LHPP: variants seen among roughly 807,000 people sequenced by gnomAD.
LHPP encodes phospholysine phosphohistidine inorganic pyrophosphate phosphatase.
LHPP carries 24 observed loss-of-function variants against 30.3 expected under a neutral mutation model. That is an observed-to-expected ratio of 0.79 (90% confidence interval 0.57 to 1.11). The LOEUF is 1.11. Among genes scored for constraint, LHPP ranks in the 50% most tolerant of loss-of-function variants. LHPP has a pLI of 0.00. For missense variants in LHPP, 356 were observed against 367.2 expected (o/e 0.97, Z 0.25); for synonymous variants, 150 against 157.1 (o/e 0.95, Z 0.34).
At chr10:124,575,896 G>A (rs1002754050) in intron 6 of LHPP, among the ~76,000 whole-genome samples, 1 of 152,228 alleles carries the variant, frequency 6.6e-6, no homozygotes, top group Admixed American at 6.5e-5. Context: ...TGAGGTGCCT[G>A]GACGGCAGAG....
chr10:124,497,459 G>A (rs1273667314), intron 4 of LHPP, among the ~76,000 whole-genome samples: 1 of 152,058 alleles, frequency 6.6e-6, no homozygotes, highest in Non-Finnish European at 1.5e-5. Context: ...GTCCTCACTG[G>A]CCTCCTTCCT....
intron 1 of LHPP, among the ~76,000 whole-genome samples, chr10:124,471,238 G>A (rs528447450): frequency 6.6e-5 from 10 of 150,676 alleles, no homozygotes; most frequent in Non-Finnish European, 1.3e-4. Context: ...GAATGCCACC[G>A]CCCCACCATT....
intron 6 of LHPP, among the ~76,000 whole-genome samples, chr10:124,575,938 G>T (rs1258097586): frequency 6.6e-6 from 1 of 152,194 alleles, no homozygotes; most frequent in Non-Finnish European, 1.5e-5. Context: ...TGGGTGCCAG[G>T]TCGGGGGTCT....
In LHPP at chr10:124,613,432, C is replaced by G; in HGVS notation, c.*72C>G. On this transcript the variant is annotated 3_prime_UTR_variant, in exon 7 of 7. Transcript: ENST00000368842. ...ACCCCTGCCTCCCCTCCACCCCTGC[C>G]TCTCCTCCACCCGCCCAGGAGAGCC... 2.9e-6 allele frequency: 3 copies of G among 1,020,598 alleles called. No homozygotes were observed. Among genetic ancestry groups the G allele is most frequent in the Non-Finnish European group, 4.5e-6 (3 of 669,018 alleles). 63.2% of individuals were successfully genotyped at this position (1,020,598 alleles called of 1,614,324 possible).
Position 124,467,644 on chromosome 10 carries a change from C to T in LHPP, c.125+5657C>T, listed in dbSNP as rs372909595. ...CAAAAAAATCTTTCTACCCAAGTTT[C>T]CCAGATAGCTGGGACTACAGGTATA... On this transcript the variant is annotated intron_variant, in intron 1 of 6. Coordinates refer to ENST00000368842, the MANE Select transcript of LHPP (RefSeq NM_022126.4). Among the ~76,000 whole-genome samples the T allele has an allele frequency of 1.8e-4, 27 of 150,604 alleles. No homozygotes were observed. The East Asian group carries it at 4.7e-3, about 26-fold the overall frequency.
At chr10:124,556,663 C>T (rs1361226378) in intron 6 of LHPP, among the ~76,000 whole-genome samples, 1 of 152,186 alleles carries the variant, frequency 6.6e-6, no homozygotes, top group African/African-American at 2.4e-5. Flanking sequence ...CTGCAACTCT[C>T]GACACCCTCA....
chr10:124,539,587 T>C (rs1378264114), intron 6 of LHPP, among the ~76,000 whole-genome samples: 3 of 152,018 alleles, frequency 2.0e-5, no homozygotes, highest in Non-Finnish European at 4.4e-5. Flanking sequence ...AATACAAAAA[T>C]TAGCCAGGCG....
At chr10:124,532,332 G>A (rs7900348) in intron 6 of LHPP, among the ~76,000 whole-genome samples, 164 of 152,350 alleles carry the variant, frequency 1.1e-3, no homozygotes, top group African/African-American at 3.2e-3. Flanking sequence ...AGGCCCTGGC[G>A]GTGGACAGAG....
intron 6 of LHPP, among the ~76,000 whole-genome samples, chr10:124,545,205 G>T (rs1207429781): frequency 1.3e-5 from 2 of 152,210 alleles, no homozygotes; most frequent in Admixed American, 6.5e-5. Context: ...CAAAAACCAG[G>T]TTTGGATGCC....
At chr10:124,503,364 C>G (rs879498528) in intron 5 of LHPP, among the ~76,000 whole-genome samples, 4 of 152,016 alleles carry the variant, frequency 2.6e-5, no homozygotes, top group South Asian at 2.1e-4. Context: ...CCACATCCGG[C>G]CTTCATTGGT....
At chr10:124,538,324 T>A (rs964342028) in intron 6 of LHPP, among the ~76,000 whole-genome samples, 2 of 152,328 alleles carry the variant, frequency 1.3e-5, no homozygotes, top group South Asian at 4.1e-4. Context: ...CCAGCCTTGC[T>A]GCTGCCTTTC....
At chr10:124,560,389 A>G (rs935464562) in intron 6 of LHPP, among the ~76,000 whole-genome samples, 9 of 152,186 alleles carry the variant, frequency 5.9e-5, no homozygotes, top group African/African-American at 1.4e-4. Context: ...TTTATGTACA[A>G]TTTTATAGCA....
At chr10:124,529,381 C>T (rs1408849680) in intron 6 of LHPP, among the ~76,000 whole-genome samples, 2 of 152,104 alleles carry the variant, frequency 1.3e-5, no homozygotes, top group Non-Finnish European at 2.9e-5. Flanking sequence ...CCAACCCATG[C>T]ACCCACCACT....
intron 1 of LHPP, among the ~76,000 whole-genome samples, chr10:124,471,842 C>G (rs1952789183): frequency 6.8e-6 from 1 of 146,384 alleles, no homozygotes; most frequent in Non-Finnish European, 1.5e-5. Context: ...ATATATTGCC[C>G]AGGCTGGTCT....
At chr10:124,577,678 A>C (rs577260355) in intron 6 of LHPP, among the ~76,000 whole-genome samples, 1 of 152,034 alleles carries the variant, frequency 6.6e-6, no homozygotes. Context: ...GCACACATAC[A>C]TGCACACATG....
chr10:124,481,373 C>CCT (rs780510243), intron 1 of LHPP, among the ~76,000 whole-genome samples: 10,584 of 85,848 alleles, frequency 0.12, 940 homozygotes, highest in Non-Finnish European at 0.17. Context: ...TATCTGCCCC[C>CCT]TTTTTTTTTT....
intron 5 of LHPP, among the ~76,000 whole-genome samples, chr10:124,512,616 CAAAAAAA>C (rs34808470): frequency 1.8e-5 from 1 of 54,180 alleles, no homozygotes; most frequent in Non-Finnish European, 3.5e-5. Flanking sequence ...GACTCCGTCT[CAAAAAAA>C]AAAAAAAAAA....
rs978881055 is a variant in LHPP at position 124,593,053 on chromosome 10, G to C, written c.717-20211G>C. On this transcript the variant is annotated intron_variant, in intron 6 of 6. Transcript: ENST00000368842. This position sits in a 1 kb window ranked among gnomAD's most constrained non-coding sequence, Gnocchi z 4.9. ...CGGCGTTTCGGGGAACCGGGTACAAGTTGCTAGGGAAATACAGGGGGAGGG... is the reference window on the plus strand; with the variant it reads ...CGGCGTTTCGGGGAACCGGGTACAACTTGCTAGGGAAATACAGGGGGAGGG... 6.6e-6 allele frequency among the ~76,000 whole-genome samples: 1 copy of C among 152,202 alleles called. No individual in the cohort carries two copies. The highest frequency in any genetic ancestry group is 1.5e-5 in the Non-Finnish European group (1 of 68,036).
intron 5 of LHPP, among the ~76,000 whole-genome samples, chr10:124,507,284 G>A (rs200890766): frequency 0.064 from 2,602 of 40,436 alleles, 3 homozygotes; most frequent in Non-Finnish European, 0.1. Context: ...TCAGGTGGGG[G>A]GGTAGGGAGG....
Sources: allele counts gnomAD v4.1 joint callset (sites outside exome capture counted in the v4.1 genomes callset), GRCh38; gene constraint gnomAD v4.1.1; non-coding constraint Gnocchi (gnomAD v3.1); transcripts MANE v1.5; gene names NCBI Gene and HGNC (gene_info 2026-07-23, HGNC 2026-07-21).